Variants in CLVS1 observed in about 807,000 individuals in gnomAD.
The protein encoded by CLVS1 is clavesin 1.
CLVS1 carries 10 observed loss-of-function variants against 33.1 expected under a neutral mutation model. The ratio of observed to expected loss-of-function variants is 0.30; its 90% CI spans 0.19 to 0.51. The LOEUF (loss-of-function observed/expected upper bound fraction) is 0.51. Ranked by LOEUF, CLVS1 falls within the 20% of genes least tolerant of loss-of-function variation. The pLI is 0.97. For missense variants in CLVS1, 343 were observed against 433.4 expected (o/e 0.79, Z 1.85); for synonymous variants, 163 against 166.1 (o/e 0.98, Z 0.14).
At chr8:61,359,465 C>T (rs1262421274) in intron 2 of CLVS1, among the ~76,000 whole-genome samples, 1 of 152,048 alleles carries the variant, frequency 6.6e-6, no homozygotes, top group Admixed American at 6.6e-5. Context: ...AAGTGATTCT[C>T]CTGCCTCAGC....
At chr8:61,180,954 C>T (rs1348886280) in intron 2 of CLVS1, among the ~76,000 whole-genome samples, 1 of 152,186 alleles carries the variant, frequency 6.6e-6, no homozygotes, top group Non-Finnish European at 1.5e-5. Flanking sequence ...CCTCTCACCA[C>T]TCCTATTCAA....
At chr8:61,113,397 T>A (rs891422819) in intron 1 of CLVS1, among the ~76,000 whole-genome samples, 2 of 152,090 alleles carry the variant, frequency 1.3e-5, no homozygotes, top group Admixed American at 1.3e-4. Flanking sequence ...TCCAACCACA[T>A]GGGGAGCAAA....
At chr8:61,077,171 T>C (rs1437565496) in intron 1 of CLVS1, among the ~76,000 whole-genome samples, 1 of 151,714 alleles carries the variant, frequency 6.6e-6, no homozygotes, top group African/African-American at 2.4e-5. Context: ...CCTCCAGAGT[T>C]CACGCCATTC....
At chr8:61,058,680 T>C (rs141766183) in intron 1 of CLVS1, among the ~76,000 whole-genome samples, 1,569 of 152,350 alleles carry the variant, frequency 0.01, 33 homozygotes, top group African/African-American at 0.036. Context: ...TTTTCTCGTG[T>C]ACTATCCTGA....
intron 3 of CLVS1, among the ~76,000 whole-genome samples, chr8:61,429,238 G>A (rs768446329): frequency 6.6e-6 from 1 of 151,918 alleles, no homozygotes; most frequent in Admixed American, 6.6e-5. Flanking sequence ...TGGCCAACAT[G>A]GTGAAACCCT....
chr8:61,373,803 AGCAATCATTTATT>A (rs1813535681), intron 2 of CLVS1, among the ~76,000 whole-genome samples: 1 of 152,212 alleles, frequency 6.6e-6, no homozygotes, highest in South Asian at 2.1e-4. Flanking sequence ...GGCTTAAGAA[AGCAATCATTTATT>A]GCTGCTTATG....
the CLVS1 span, among the ~76,000 whole-genome samples, chr8:60,978,136 C>T: frequency 6.6e-6 from 1 of 152,046 alleles, no homozygotes; most frequent in African/African-American, 2.4e-5. Context: ...AGGCCTGGTA[C>T]AGAAATGTTA....
At chr8:61,374,048 G>A (rs1813545944) in intron 2 of CLVS1, among the ~76,000 whole-genome samples, 1 of 152,160 alleles carries the variant, frequency 6.6e-6, no homozygotes, top group African/African-American at 2.4e-5. Flanking sequence ...GCTTGGAATT[G>A]GCATCCTGTC....
intron 2 of CLVS1, among the ~76,000 whole-genome samples, chr8:61,149,025 C>G (rs1806469892): frequency 6.6e-6 from 1 of 152,104 alleles, no homozygotes; most frequent in African/African-American, 2.4e-5. Context: ...CCCAGGCACA[C>G]TCCCATTTAA....
intron 1 of CLVS1, among the ~76,000 whole-genome samples, chr8:61,098,986 C>G (rs1367084810): frequency 6.6e-6 from 1 of 152,100 alleles, no homozygotes; most frequent in Admixed American, 6.5e-5. Context: ...TCACTTAGAG[C>G]CTTCCTAGTC....
At chr8:61,168,572 G>A (rs1473092725) in intron 2 of CLVS1, among the ~76,000 whole-genome samples, 1 of 152,162 alleles carries the variant, frequency 6.6e-6, no homozygotes, top group Non-Finnish European at 1.5e-5. Context: ...TATTATTTAT[G>A]TACAATCTGG....
At chr8:61,020,693 A>C in the CLVS1 span, among the ~76,000 whole-genome samples, 2 of 152,244 alleles carry the variant, frequency 1.3e-5, no homozygotes, top group Admixed American at 6.5e-5. Flanking sequence ...CTCAGCATGG[A>C]AGGCATTGAG....
the CLVS1 span, among the ~76,000 whole-genome samples, chr8:61,007,531 G>C: frequency 2.0e-5 from 3 of 152,304 alleles, no homozygotes; most frequent in Non-Finnish European, 4.4e-5. Context: ...ACCTGAGACA[G>C]GCATAGAAAG....
chr8:61,204,977 C>T (rs1563444207), intron 2 of CLVS1, among the ~76,000 whole-genome samples: 1 of 152,038 alleles, frequency 6.6e-6, no homozygotes, highest in Non-Finnish European at 1.5e-5. Context: ...AGAATCATTG[C>T]TTACAAAAGA....
intron 1 of CLVS1, among the ~76,000 whole-genome samples, chr8:61,065,190 C>T (rs1442377209): frequency 2.6e-5 from 4 of 152,182 alleles, no homozygotes; most frequent in Non-Finnish European, 5.9e-5. Flanking sequence ...AACCTATGTA[C>T]GTCCTCCCGT....
At chr8:60,969,450 G>A in the CLVS1 span, among the ~76,000 whole-genome samples, 6 of 152,166 alleles carry the variant, frequency 3.9e-5, no homozygotes, top group Admixed American at 1.3e-4. Flanking sequence ...CTGCCACAAA[G>A]CGTCTGTTAT....
At chr8:61,208,110 G>C (rs1210170063) in intron 2 of CLVS1, among the ~76,000 whole-genome samples, 2 of 146,754 alleles carry the variant, frequency 1.4e-5, no homozygotes, top group Non-Finnish European at 3.1e-5. Context: ...AAGTGAAAAT[G>C]CAAAGTCAGA....
chr8:61,205,439 T>C (rs1185649760), intron 2 of CLVS1, among the ~76,000 whole-genome samples: 1 of 152,244 alleles, frequency 6.6e-6, no homozygotes, highest in Non-Finnish European at 1.5e-5. Context: ...TGTGTCAGAA[T>C]TTCCTTTCTT....
chr8:61,272,525 A>C (rs62524885), intron 2 of CLVS1, among the ~76,000 whole-genome samples: 40,255 of 151,812 alleles, frequency 0.27, 6,498 homozygotes, highest in Non-Finnish European at 0.35. Context: ...TATTTCCTGA[A>C]TCTGAACGTT....
Sources: allele counts gnomAD v4.1 joint callset (sites outside exome capture counted in the v4.1 genomes callset), GRCh38; gene constraint gnomAD v4.1.1; transcripts MANE v1.5; gene names NCBI Gene and HGNC (gene_info 2026-07-23, HGNC 2026-07-21).